The following ILRUN variants were observed in gnomAD, a reference collection of about 807,000 sequenced individuals.
ILRUN encodes the protein protein ILRUN.
A neutral mutation model predicts 33.8 loss-of-function variants in ILRUN; 3 were observed. The ratio of observed to expected loss-of-function variants is 0.09; its 90% CI spans 0.04 to 0.23. ILRUN has a LOEUF of 0.23. Ranked by LOEUF, ILRUN falls within the 10% of genes least tolerant of loss-of-function variation. The pLI is 1.00. For missense variants in ILRUN, 210 were observed against 375.1 expected, an observed-to-expected ratio of 0.56 and a Z score of 3.64; for synonymous variants, 124 against 138.9, an observed-to-expected ratio of 0.89 and a Z score of 0.75.
chr6:34,628,801 A>G (rs1372972822), intron 3 of ILRUN, among the ~76,000 whole-genome samples: 2 of 151,836 alleles, frequency 1.3e-5, no homozygotes, highest in Non-Finnish European at 2.9e-5. Flanking sequence ...ATTTGCTTCT[A>G]TCTTCTGAAG....
intron 1 of ILRUN, among the ~76,000 whole-genome samples, chr6:34,683,454 A>ATAT (rs1491181761): frequency 3.9e-5 from 4 of 101,288 alleles, no homozygotes; most frequent in African/African-American, 1.9e-4. Context: ...ATATATATAC[A>ATAT]TATATATACA....
At chr6:34,594,325 T>C (rs1376214882) in intron 4 of ILRUN, among the ~76,000 whole-genome samples, 2 of 152,158 alleles carry the variant, frequency 1.3e-5, no homozygotes, top group African/African-American at 2.4e-5. Context: ...CCCAGTGAGC[T>C]TGATGCAGAA....
intron 3 of ILRUN, among the ~76,000 whole-genome samples, chr6:34,625,239 T>C (rs1025567820): frequency 6.6e-6 from 1 of 152,190 alleles, no homozygotes; most frequent in African/African-American, 2.4e-5. Context: ...TTTGGTCTTA[T>C]CCAGCTTTAC....
intron 3 of ILRUN, among the ~76,000 whole-genome samples, chr6:34,632,889 T>C (rs908387459): frequency 6.6e-6 from 1 of 152,200 alleles, no homozygotes; most frequent in Non-Finnish European, 1.5e-5. Context: ...GTAACTGATT[T>C]AAGTCTTCAA....
intron 1 of ILRUN, among the ~76,000 whole-genome samples, chr6:34,666,246 G>T (rs892910892): frequency 2.6e-5 from 4 of 152,092 alleles, no homozygotes; most frequent in Non-Finnish European, 5.9e-5. Flanking sequence ...CTGCTTTCTG[G>T]TATATAGGTA....
At chr6:34,593,764 C>G (rs1761341551) in intron 4 of ILRUN, among the ~76,000 whole-genome samples, 1 of 152,108 alleles carries the variant, frequency 6.6e-6, no homozygotes, top group Non-Finnish European at 1.5e-5. Context: ...GAGAGGGCAC[C>G]AACTCTATTT....
chr6:34,642,015 T>TA (rs542926075), intron 3 of ILRUN, among the ~76,000 whole-genome samples: 11 of 152,094 alleles, frequency 7.2e-5, no homozygotes, highest in African/African-American at 2.7e-4. Context: ...GACATCAGTT[T>TA]AAAAAAAACT....
At position 34,628,209 on chromosome 6, in the gene ILRUN, C is replaced by T. The variant is rs1214449942; in HGVS notation, c.511+18392G>A. 3.3e-5 allele frequency among the ~76,000 whole-genome samples: 5 copies of T among 152,036 alleles called. No homozygotes were observed. In the East Asian group the frequency reaches 5.8e-4, roughly 18 times the overall value. On this transcript the variant is annotated intron_variant, in intron 3 of 4. Coordinates refer to ENST00000374023, the MANE Select transcript of ILRUN (RefSeq NM_024294.4). ...CTAATTTTTGTATTTTTAGTAGAGA[C>T]GAGGTTTCACCATGTTGGCCAGGCT...
At chr6:34,683,429 CATATATATAT>C (rs202177741) in intron 1 of ILRUN, among the ~76,000 whole-genome samples, 4 of 92,108 alleles carry the variant, frequency 4.3e-5, no homozygotes, top group African/African-American at 1.6e-4. Context: ...CATATATATA[CATATATATAT>C]ACATATATAT....
intron 3 of ILRUN, among the ~76,000 whole-genome samples, chr6:34,618,812 C>G (rs1761951361): frequency 6.6e-6 from 1 of 152,206 alleles, no homozygotes; most frequent in Non-Finnish European, 1.5e-5. Flanking sequence ...CAGCCATCAG[C>G]TGATACCATA....
chr6:34,598,690 A>G (rs760313238), intron 4 of ILRUN, among the ~76,000 whole-genome samples: 1 of 152,250 alleles, frequency 6.6e-6, no homozygotes, highest in Non-Finnish European at 1.5e-5. Context: ...CTGAGGTACA[A>G]AAAGGAAAGT....
chr6:34,605,024 A>G (rs1307507062), intron 4 of ILRUN, among the ~76,000 whole-genome samples: 1 of 152,220 alleles, frequency 6.6e-6, no homozygotes, highest in Non-Finnish European at 1.5e-5. Flanking sequence ...ACTACTGGTC[A>G]GGCTGGGCAC....
chr6:34,637,864 C>CTGCTGCTGCTGTTGTTGTTGTTGT (rs749114775), intron 3 of ILRUN, among the ~76,000 whole-genome samples: 10 of 141,930 alleles, frequency 7.0e-5, no homozygotes, highest in African/African-American at 2.7e-4. Context: ...GCTGCTGCTG[C>CTGCTGCTGCTGTTGTTGTTGTTGT]TGTTGTTGTT....
chr6:34,692,887 G>GA (rs1276809310), intron 1 of ILRUN, among the ~76,000 whole-genome samples: 1 of 151,710 alleles, frequency 6.6e-6, no homozygotes, highest in Non-Finnish European at 1.5e-5. Context: ...TCTGACATGA[G>GA]AAAAAGGAAA....
At chr6:34,618,716 T>TC (rs1454781830) in intron 3 of ILRUN, among the ~76,000 whole-genome samples, 7 of 152,174 alleles carry the variant, frequency 4.6e-5, no homozygotes, top group Admixed American at 2.6e-4. Flanking sequence ...TCATTCCAGC[T>TC]CATAGATGCA....
At chr6:34,683,649 C>A (rs1321543671) in intron 1 of ILRUN, among the ~76,000 whole-genome samples, 1 of 151,480 alleles carries the variant, frequency 6.6e-6, no homozygotes, top group Non-Finnish European at 1.5e-5. Context: ...TTATACTTCT[C>A]ATCTTTAGTA....
chr6:34,602,463 G>A (rs556681469), intron 4 of ILRUN, among the ~76,000 whole-genome samples: 13 of 151,952 alleles, frequency 8.6e-5, no homozygotes, highest in African/African-American at 2.7e-4. Flanking sequence ...CATCAGTTTC[G>A]CACTGTCCAA....
intron 1 of ILRUN, among the ~76,000 whole-genome samples, chr6:34,683,880 T>C (rs983688918): frequency 1.3e-5 from 2 of 152,014 alleles, no homozygotes; most frequent in East Asian, 3.9e-4. Context: ...CTGGGCAACA[T>C]GGCAAGACCC....
At chr6:34,600,724 G>A (rs1371942449) in intron 4 of ILRUN, among the ~76,000 whole-genome samples, 2 of 152,142 alleles carry the variant, frequency 1.3e-5, no homozygotes, top group Non-Finnish European at 2.9e-5. Flanking sequence ...AATAGCTGGT[G>A]GGGGGAAGAG....
Sources: allele counts gnomAD v4.1 joint callset (sites outside exome capture counted in the v4.1 genomes callset), GRCh38; gene constraint gnomAD v4.1.1; transcripts MANE v1.5; gene names NCBI Gene and HGNC (gene_info 2026-07-23, HGNC 2026-07-21).